Variants in SLC24A2 observed in about 807,000 individuals in gnomAD.
SLC24A2 encodes sodium/potassium/calcium exchanger 2.
A neutral mutation model predicts 62.0 loss-of-function variants in SLC24A2; 36 were observed. The ratio of observed to expected loss-of-function variants is 0.58; its 90% CI spans 0.44 to 0.77. The LOEUF (loss-of-function observed/expected upper bound fraction) is 0.77. Among genes scored for constraint, SLC24A2 ranks in the 30% least tolerant of loss-of-function variants. The probability of loss-of-function intolerance (pLI) is 0.00; values close to 1 mark genes in which losing one functional copy is unlikely to be tolerated. For synonymous variants in SLC24A2, 358 were observed against 294.0 expected, an observed-to-expected ratio of 1.22 and a Z score of -2.23; for missense variants, 846 against 817.9, an observed-to-expected ratio of 1.03 and a Z score of -0.42.
the SLC24A2 span, among the ~76,000 whole-genome samples, chr9:20,014,360 G>C: frequency 6.6e-6 from 1 of 151,658 alleles, no homozygotes. Context: ...GTATGACCCA[G>C]TAACCCCACT....
the SLC24A2 span, among the ~76,000 whole-genome samples, chr9:20,305,951 T>A: frequency 6.6e-6 from 1 of 152,216 alleles, no homozygotes; most frequent in East Asian, 1.9e-4. Context: ...TGCCTTCACG[T>A]GGTCTTTTCT....
intron 2 of SLC24A2, among the ~76,000 whole-genome samples, chr9:19,723,087 T>A (rs994386068): frequency 3.3e-5 from 5 of 152,124 alleles, no homozygotes; most frequent in African/African-American, 1.2e-4. Context: ...GATAAAATTA[T>A]CATCAACATT....
At chr9:19,848,178 A>G in the SLC24A2 span, among the ~76,000 whole-genome samples, 2 of 49,072 alleles carry the variant, frequency 4.1e-5, no homozygotes, top group Non-Finnish European at 1.8e-4. Flanking sequence ...AGAGGGGTTT[A>G]TTTTGTTTTT....
the SLC24A2 span, among the ~76,000 whole-genome samples, chr9:20,234,336 C>G: frequency 2.0e-5 from 3 of 152,292 alleles, no homozygotes; most frequent in South Asian, 6.2e-4. Context: ...CAACTTGGTT[C>G]CATTCTCCCC....
chr9:19,567,002 TAATGTA>T (rs148292191), intron 7 of SLC24A2, among the ~76,000 whole-genome samples: 8,017 of 151,772 alleles, frequency 0.053, 701 homozygotes, highest in African/African-American at 0.18. Context: ...GAGATATATC[TAATGTA>T]AATGGCGAGT....
chr9:19,889,369 A>AATTATT, the SLC24A2 span, among the ~76,000 whole-genome samples: 18 of 151,298 alleles, frequency 1.2e-4, no homozygotes, highest in African/African-American at 4.4e-4. Context: ...CATAAATTGT[A>AATTATT]ATTATTATTA....
At chr9:19,552,488 TAATA>T (rs1263696363) in intron 7 of SLC24A2, among the ~76,000 whole-genome samples, 3 of 152,152 alleles carry the variant, frequency 2.0e-5, no homozygotes, top group Non-Finnish European at 4.4e-5. Context: ...GCATCATTCT[TAATA>T]AATACCCCAT....
the SLC24A2 span, among the ~76,000 whole-genome samples, chr9:20,274,230 T>C: frequency 6.6e-6 from 1 of 152,048 alleles, no homozygotes; most frequent in African/African-American, 2.4e-5. Context: ...GGACTATGGA[T>C]ATAGCCAAAA....
intron 10 of SLC24A2, among the ~76,000 whole-genome samples, chr9:19,517,790 A>G (rs999916054): frequency 6.6e-6 from 1 of 151,962 alleles, no homozygotes; most frequent in African/African-American, 2.4e-5. Flanking sequence ...AGAAAATGGA[A>G]GGGGAGTGCC....
At chr9:19,966,910 C>A in the SLC24A2 span, among the ~76,000 whole-genome samples, 10 of 151,970 alleles carry the variant, frequency 6.6e-5, no homozygotes, top group African/African-American at 2.2e-4. Context: ...AAATTTTAAG[C>A]CTTTTGATAT....
At chr9:19,917,329 T>A in the SLC24A2 span, among the ~76,000 whole-genome samples, 1 of 149,496 alleles carries the variant, frequency 6.7e-6, no homozygotes, top group Non-Finnish European at 1.5e-5. Context: ...TTGGTAGAAC[T>A]GATCTTGAGT....
the SLC24A2 span, among the ~76,000 whole-genome samples, chr9:20,072,276 C>T: frequency 1.4e-4 from 22 of 152,096 alleles, no homozygotes; most frequent in Non-Finnish European, 3.1e-4. Context: ...ATTCCTTCCT[C>T]CAGAGTATGG....
intron 2 of SLC24A2, among the ~76,000 whole-genome samples, chr9:19,661,861 T>C (rs933036184): frequency 6.6e-6 from 1 of 152,176 alleles, no homozygotes; most frequent in African/African-American, 2.4e-5. Flanking sequence ...TGAGTGTAGA[T>C]TCCTGAAAAT....
At chr9:20,056,895 C>T in the SLC24A2 span, among the ~76,000 whole-genome samples, 2 of 152,220 alleles carry the variant, frequency 1.3e-5, no homozygotes, top group Non-Finnish European at 2.9e-5. Context: ...AAAAACCCCT[C>T]TCTTTACACC....
rs1484859097 is a variant in SLC24A2, at chr9:19,513,763, T to C, written c.*2390A>G. ...AACCTTATTTCAAACAACGCACCAG[T>C]CAATAATATAAAATTCACACAATAA... On this transcript the variant is annotated 3_prime_UTR_variant, in exon 11 of 11. Transcript: ENST00000341998. 6.6e-6 allele frequency: 1 copy of C among 152,276 alleles called. No individual in the cohort carries two copies. Among genetic ancestry groups the C allele is most frequent in the East Asian group, 1.9e-4 (1 of 5,178 alleles). 9.4% of individuals were successfully genotyped at this position (152,276 alleles called of 1,614,324 possible).
chr9:19,838,784 A>AC, the SLC24A2 span, among the ~76,000 whole-genome samples: 1 of 150,948 alleles, frequency 6.6e-6, no homozygotes, highest in Non-Finnish European at 1.5e-5. Flanking sequence ...AAAAAAAAAA[A>AC]CCCTAGAAGA....
intron 2 of SLC24A2, among the ~76,000 whole-genome samples, chr9:19,648,379 C>T (rs569843942): frequency 3.3e-5 from 5 of 152,242 alleles, no homozygotes; most frequent in African/African-American, 9.6e-5. Flanking sequence ...AGTTAAAAAA[C>T]CCCTAAATCC....
chr9:19,745,333 A>G (rs753038765), intron 2 of SLC24A2, among the ~76,000 whole-genome samples: 9 of 152,132 alleles, frequency 5.9e-5, no homozygotes, highest in Non-Finnish European at 1.0e-4. Context: ...TCCTTCATGC[A>G]ATGCAAATAG....
At chr9:19,976,899 G>T in the SLC24A2 span, among the ~76,000 whole-genome samples, 1 of 151,932 alleles carries the variant, frequency 6.6e-6, no homozygotes, top group Non-Finnish European at 1.5e-5. Flanking sequence ...TAGTCTGGAA[G>T]ATACAGCAAC....
Sources: allele counts gnomAD v4.1 joint callset (sites outside exome capture counted in the v4.1 genomes callset), GRCh38; gene constraint gnomAD v4.1.1; transcripts MANE v1.5; gene names NCBI Gene and HGNC (gene_info 2026-07-23, HGNC 2026-07-21).